GPC5: variants seen among roughly 807,000 people sequenced by gnomAD.
GPC5 encodes the protein glypican 5.
Under a neutral mutation model 53.9 loss-of-function variants are expected in GPC5, and 47 were observed. The observed-to-expected ratio is 0.87, with a 90% CI of 0.69 to 1.11. The LOEUF is 1.11. Among genes scored for constraint, GPC5 ranks in the 50% most tolerant of loss-of-function variants. The probability of loss-of-function intolerance (pLI) is 0.00; values close to 1 mark genes in which losing one functional copy is unlikely to be tolerated. For synonymous variants in GPC5, 286 were observed against 263.3 expected, an observed-to-expected ratio of 1.09 and a Z score of -0.84; for missense variants, 748 against 713.1, an observed-to-expected ratio of 1.05 and a Z score of -0.56.
intron 6 of GPC5, among the ~76,000 whole-genome samples, chr13:92,002,439 C>A (rs1410076366): frequency 6.6e-6 from 1 of 152,082 alleles, no homozygotes; most frequent in Non-Finnish European, 1.5e-5. Context: ...AAGAACTGGG[C>A]AGGAGTCAAT....
chr13:92,472,310 G>T (rs1273851084), intron 7 of GPC5, among the ~76,000 whole-genome samples: 2 of 151,962 alleles, frequency 1.3e-5, no homozygotes, highest in African/African-American at 4.8e-5. Context: ...TTTCCACTTT[G>T]CTGGCTGCTT....
chr13:91,924,343 G>C (rs1159188368), intron 6 of GPC5, among the ~76,000 whole-genome samples: 2 of 152,130 alleles, frequency 1.3e-5, no homozygotes, highest in South Asian at 2.1e-4. Flanking sequence ...TTCAATGCCT[G>C]TTTCACAGAT....
At chr13:91,793,457 A>C (rs1003714298) in intron 5 of GPC5, among the ~76,000 whole-genome samples, 3 of 152,126 alleles carry the variant, frequency 2.0e-5, no homozygotes, top group African/African-American at 7.2e-5. Context: ...TTTCCAAAGA[A>C]ATCTTCTTCT....
At chr13:92,521,149 A>G (rs1881027666) in intron 7 of GPC5, among the ~76,000 whole-genome samples, 1 of 152,208 alleles carries the variant, frequency 6.6e-6, no homozygotes, top group Non-Finnish European at 1.5e-5. Context: ...GTGGAAGAAC[A>G]TTCCATGCTC....
intron 7 of GPC5, among the ~76,000 whole-genome samples, chr13:92,308,548 A>T (rs781432584): frequency 1.3e-5 from 2 of 152,188 alleles, no homozygotes; most frequent in Non-Finnish European, 2.9e-5. Context: ...GTCTATAATA[A>T]CTAACTAGTA....
chr13:91,697,433 G>T (rs901400764), intron 3 of GPC5, among the ~76,000 whole-genome samples: 1 of 152,066 alleles, frequency 6.6e-6, no homozygotes, highest in African/African-American at 2.4e-5. Context: ...GAGCCACCAC[G>T]CCTGGCCTTC....
intron 7 of GPC5, among the ~76,000 whole-genome samples, chr13:92,433,900 A>G (rs1347410768): frequency 6.6e-6 from 1 of 152,232 alleles, no homozygotes; most frequent in African/African-American, 2.4e-5. Flanking sequence ...TAGGATTCTC[A>G]AGATCAGTCA....
intron 7 of GPC5, among the ~76,000 whole-genome samples, chr13:92,306,309 C>T (rs1159445127): frequency 6.6e-6 from 1 of 152,090 alleles, no homozygotes; most frequent in African/African-American, 2.4e-5. Context: ...GACTCAATGC[C>T]TCTGCAATAT....
chr13:91,853,155 A>G (rs2038932401), intron 5 of GPC5, among the ~76,000 whole-genome samples: 1 of 152,146 alleles, frequency 6.6e-6, no homozygotes, highest in Non-Finnish European at 1.5e-5. Flanking sequence ...TTAAAAAATT[A>G]TAGAAATAGT....
In GPC5 at chr13:92,276,731, A is replaced by ATT. The variant is rs2042878306; in HGVS notation, c.1561+131743_1561+131744dup. ...ATTTCATCAGAATTAAGAGCCTTTT[A>ATT]TTACTATACAATATCCTAAGATGCA... On this transcript the variant is annotated intron_variant, in intron 7 of 7. Transcript: ENST00000377067. 2.0e-5 allele frequency among the ~76,000 whole-genome samples: 3 copies of ATT among 152,230 alleles called. No homozygotes were observed. In the South Asian group the frequency reaches 6.2e-4, roughly 32 times the overall value.
At chr13:92,058,663 C>T (rs1335268978) in intron 6 of GPC5, among the ~76,000 whole-genome samples, 1 of 152,148 alleles carries the variant, frequency 6.6e-6, no homozygotes, top group Non-Finnish European at 1.5e-5. Flanking sequence ...CCTGCCTCAG[C>T]CTCCCATGTA....
In GPC5 at chr13:91,728,255, G is replaced by A. The variant is rs142131927; in HGVS notation, c.1021-277G>A. Among the ~76,000 whole-genome samples, 3 of 152,138 alleles carry A rather than the reference G, an allele frequency of 2.0e-5. No individual in the cohort carries two copies. In the East Asian group the frequency reaches 5.8e-4, roughly 29 times the overall value. On this transcript the variant is annotated intron_variant, in intron 3 of 7. Transcript: ENST00000377067. ...AAAGTAATGTTACACAAATAAGTCA[G>A]TTTATTAATATAGTTGTCTGATTTT...
At chr13:91,494,040 ATT>A (rs746380324) in intron 2 of GPC5, among the ~76,000 whole-genome samples, 1 of 149,694 alleles carries the variant, frequency 6.7e-6, no homozygotes. Flanking sequence ...CACCCGGCTA[ATT>A]TTTTTTTTAT....
intron 3 of GPC5, among the ~76,000 whole-genome samples, chr13:91,727,789 G>C (rs1484767361): frequency 3.9e-5 from 6 of 152,074 alleles, no homozygotes; most frequent in Admixed American, 1.3e-4. Flanking sequence ...CGTATTTCCA[G>C]TTATATTACT....
At chr13:91,694,499 T>C (rs2035837396) in intron 3 of GPC5, among the ~76,000 whole-genome samples, 1 of 152,232 alleles carries the variant, frequency 6.6e-6, no homozygotes, top group Non-Finnish European at 1.5e-5. Flanking sequence ...TGGTGTTTTA[T>C]TCCTAGCAGG....
intron 6 of GPC5, among the ~76,000 whole-genome samples, chr13:92,005,627 T>G (rs2040599673): frequency 6.6e-6 from 1 of 152,216 alleles, no homozygotes; most frequent in Admixed American, 6.5e-5. Flanking sequence ...TACATGTAAC[T>G]TATTTGATTA....
chr13:92,238,078 T>C (rs1264689060), intron 7 of GPC5, among the ~76,000 whole-genome samples: 2 of 152,072 alleles, frequency 1.3e-5, no homozygotes, highest in Admixed American at 6.6e-5. Flanking sequence ...ATGGATATCA[T>C]TTAATGGTCA....
intron 2 of GPC5, among the ~76,000 whole-genome samples, chr13:91,615,749 CTTTACTCAA>C (rs1042568642): frequency 6.6e-6 from 1 of 152,138 alleles, no homozygotes; most frequent in African/African-American, 2.4e-5. Context: ...GTCATTTCCC[CTTTACTCAA>C]TACAGTTCTT....
chr13:91,421,609 G>A lies in GPC5; in HGVS notation c.163+22400G>A, dbSNP rs1878641836. On this transcript the variant is annotated intron_variant, in intron 1 of 7. Transcript: ENST00000377067. ...TGAATTGCAATGAATATTTGTCAAT[G>A]CTTGACAAATGTCTGTGTGATAAAG... 2.0e-5 allele frequency among the ~76,000 whole-genome samples: 3 copies of A among 152,136 alleles called. No homozygotes were observed. In the South Asian group the frequency reaches 6.2e-4, roughly 32 times the overall value.
Sources: gnomAD v4.1 joint callset for allele counts (sites outside exome capture counted in the v4.1 genomes callset) on GRCh38, gnomAD v4.1.1 for gene constraint, MANE v1.5 for transcripts, NCBI Gene and HGNC (gene_info 2026-07-23, HGNC 2026-07-21) for gene names.